The following LTBP1 variants were observed in gnomAD, a reference collection of about 807,000 sequenced individuals.
The protein encoded by LTBP1 is latent transforming growth factor beta binding protein 1.
A neutral mutation model predicts 207.6 loss-of-function variants in LTBP1; 129 were observed. The observed-to-expected ratio is 0.62, with a 90% CI of 0.54 to 0.72. LTBP1 has a LOEUF of 0.72. Among genes scored for constraint, LTBP1 ranks in the 30% least tolerant of loss-of-function variants. LTBP1 has a pLI of 0.00. For missense variants in LTBP1, 2,281 were observed against 2,217.2 expected (o/e 1.03, Z -0.58); for synonymous variants, 963 against 833.7 (o/e 1.16, Z -2.67).
chr2:33,217,493 T>C (rs1361380408), intron 7 of LTBP1, 59 bp from the exon 8 acceptor site: 8 of 1,189,710 alleles, frequency 6.7e-6, no homozygotes, highest in South Asian at 6.2e-5. Context: ...ACAGCAGTGC[T>C]CTGGGGCTGG....
At chr2:33,313,626 T>C (rs1026990912) in intron 23 of LTBP1, among the ~76,000 whole-genome samples, 3 of 152,146 alleles carry the variant, frequency 2.0e-5, no homozygotes, top group African/African-American at 7.2e-5. Flanking sequence ...AAAACGACCT[T>C]AGTGGAGGTA....
At position 33,275,864 on chromosome 2, in the gene LTBP1, C is replaced by A. The variant is rs2093416086; in HGVS notation, c.2933C>A (p.Ala978Asp). The part of the protein sequence containing the change: ...GEGHCVNTVG[A>D]FRCEYCDSGY... The stretch of plus-strand genomic sequence containing the variant: ...GGGCACTGTGTCAATACTGTGGGGG[C>A]CTTCCGGTGTGAATACTGTGACAGC... Residue 978 changes from alanine to aspartate, a missense_variant, in exon 18 of 34, where the codon GCC becomes GAC. Coordinates refer to ENST00000404816, the MANE Select transcript of LTBP1 (RefSeq NM_206943.4). The A allele has an allele frequency of 1.2e-6, 2 of 1,612,202 alleles. No individual in the cohort carries two copies. Among genetic ancestry groups the A allele is most frequent in the African/African-American group, 1.3e-5 (1 of 74,874 alleles).
At chr2:33,329,660 C>A (rs2094471739) in intron 24 of LTBP1, among the ~76,000 whole-genome samples, 1 of 151,970 alleles carries the variant, frequency 6.6e-6, no homozygotes, top group Non-Finnish European at 1.5e-5. Flanking sequence ...CTTTTTCCCA[C>A]TAATATGAAT....
chr2:32,978,879 T>C (rs776414075), intron 2 of LTBP1, among the ~76,000 whole-genome samples: 11 of 151,884 alleles, frequency 7.2e-5, no homozygotes, highest in Non-Finnish European at 1.2e-4. Context: ...ACAGCGTTGA[T>C]ATCATTACTC....
chr2:33,293,459 A>G (rs531698585), intron 20 of LTBP1, among the ~76,000 whole-genome samples, 177 bp downstream of exon 20: 1 of 152,346 alleles, frequency 6.6e-6, no homozygotes, highest in African/African-American at 2.4e-5. Context: ...AATACAGAGC[A>G]TATCTATTTA....
chr2:33,396,112 C>T (rs1242861721), intron 32 of LTBP1, among the ~76,000 whole-genome samples: 1 of 151,716 alleles, frequency 6.6e-6, no homozygotes, highest in Non-Finnish European at 1.5e-5. Flanking sequence ...TTCAAGAGAT[C>T]TAAACTATAA....
chr2:33,229,710 G>A (rs997617634), intron 9 of LTBP1, among the ~76,000 whole-genome samples: 1 of 151,986 alleles, frequency 6.6e-6, no homozygotes, highest in African/African-American at 2.4e-5. Flanking sequence ...CTGTCGGTAC[G>A]GCTGACTGAC....
In LTBP1 at chr2:33,059,071, G is replaced by A. The variant is rs72793706; in HGVS notation, c.863+37865G>A. On this transcript the variant is annotated intron_variant, in intron 3 of 33. Coordinates refer to ENST00000404816, the MANE Select transcript of LTBP1 (RefSeq NM_206943.4). ...TAAGTTTGTCTTACAGGAGCAGAAG[G>A]AAAAGGATGATGTGAATTTCACCTT... is the stretch of plus-strand genomic sequence containing the variant. Among the ~76,000 whole-genome samples the A allele has an allele frequency of 9.2e-3, 1,403 of 152,322 alleles. 8 individuals are homozygous for A. Among genetic ancestry groups the A allele is most frequent in the Non-Finnish European group, 0.015 (996 of 68,030 alleles).
intron 9 of LTBP1, among the ~76,000 whole-genome samples, chr2:33,240,840 C>T (rs548519258): frequency 4.0e-5 from 6 of 151,776 alleles, no homozygotes; most frequent in Non-Finnish European, 5.9e-5. Context: ...TTAGTAGAGA[C>T]GGGGTTTCAC....
At chr2:33,038,475 G>A (rs545546240) in intron 3 of LTBP1, among the ~76,000 whole-genome samples, 1 of 152,324 alleles carries the variant, frequency 6.6e-6, no homozygotes, top group Non-Finnish European at 1.5e-5. Context: ...TTCCTGTTCT[G>A]GAGCCAACTC....
intron 3 of LTBP1, 86 bp downstream of exon 3, chr2:33,021,292 C>A: frequency 1.6e-6 from 2 of 1,261,558 alleles, no homozygotes; most frequent in Non-Finnish European, 1.1e-6. Flanking sequence ...CCCTTTCCTG[C>A]ACAATTTGCA....
intron 2 of LTBP1, among the ~76,000 whole-genome samples, chr2:32,991,822 C>T (rs946130666): frequency 6.6e-6 from 1 of 152,196 alleles, no homozygotes; most frequent in African/African-American, 2.4e-5. Context: ...GCACTTGAAT[C>T]TTTGTAGGGA....
At position 33,300,443 on chromosome 2, in the gene LTBP1, G is replaced by A. The variant is rs777667641; in HGVS notation, c.3236-8G>A. ...TTTTCAGAAAAATTGCCGTTGTTGT[G>A]TTTGCAGATATTGATGAATGTCAGC... On this transcript the variant is annotated splice_region_variant and splice_polypyrimidine_tract_variant and intron_variant, in intron 20 of 33. Transcript: ENST00000404816. 9.9e-6 allele frequency: 16 copies of A among 1,612,044 alleles called. No individual in the cohort carries two copies. Among genetic ancestry groups the A allele is most frequent in the Non-Finnish European group, 1.3e-5 (15 of 1,178,706 alleles).
chr2:33,320,644 T>C (rs1289157570), intron 24 of LTBP1, among the ~76,000 whole-genome samples: 1 of 152,210 alleles, frequency 6.6e-6, no homozygotes, highest in Non-Finnish European at 1.5e-5. Context: ...GAGCATGAGA[T>C]GGCAGCCGAG....
intron 2 of LTBP1, among the ~76,000 whole-genome samples, chr2:32,981,061 G>T (rs1482407507): frequency 6.6e-6 from 1 of 152,038 alleles, no homozygotes; most frequent in Non-Finnish European, 1.5e-5. Flanking sequence ...GGTCATCTTT[G>T]GGTTAAATCT....
Position 33,363,478 on chromosome 2 carries a change from G to A in LTBP1, c.4359G>A (p.Lys1453=). The A allele has an allele frequency of 1.2e-6, 2 of 1,613,914 alleles. No individual in the cohort carries two copies. Among genetic ancestry groups the A allele is most frequent in the Non-Finnish European group, 1.7e-6 (2 of 1,179,852 alleles). The change falls in exon 29 of 34, where the codon AAG becomes AAA. Residue 1453 remains lysine (K), a synonymous_variant. Transcript: ENST00000404816. The part of the protein sequence containing the change: ...NTRPGYECYC[K]QGTYYDPVKL... ...GGCCTGGGTATGAATGCTACTGTAAGCAAGGGACGTACTATGATCCTGTGA... is the reference window on the plus strand; with the variant it reads ...GGCCTGGGTATGAATGCTACTGTAAACAAGGGACGTACTATGATCCTGTGA...
intron 24 of LTBP1, among the ~76,000 whole-genome samples, chr2:33,340,351 C>T (rs913590688): frequency 6.6e-6 from 1 of 150,696 alleles, no homozygotes; most frequent in Non-Finnish European, 1.5e-5. Context: ...GTCACTGAAA[C>T]TGGGAGAGTG....
At chr2:33,314,733 G>GGAT (rs1165327272) in intron 23 of LTBP1, among the ~76,000 whole-genome samples, 1 of 152,178 alleles carries the variant, frequency 6.6e-6, no homozygotes, top group Non-Finnish European at 1.5e-5. Context: ...TCCTAGGGAT[G>GGAT]GATAGGCAGG....
chr2:33,361,705 G>A (rs757029129), intron 28 of LTBP1, among the ~76,000 whole-genome samples, 190 bp downstream of exon 28: 6 of 152,258 alleles, frequency 3.9e-5, no homozygotes, highest in East Asian at 3.9e-4. Flanking sequence ...TATGATGCTC[G>A]GAGTTTGACA....
Sources: gnomAD v4.1 joint callset for allele counts (sites outside exome capture counted in the v4.1 genomes callset) on GRCh38, gnomAD v4.1.1 for gene constraint, MANE v1.5 for transcripts, NCBI Gene and HGNC (gene_info 2026-07-23, HGNC 2026-07-21) for gene names.